Variants in WWOX observed in about 807,000 individuals in gnomAD.
WWOX encodes the protein WW domain-containing oxidoreductase.
Under a neutral mutation model 46.2 loss-of-function variants are expected in WWOX, and 69 were observed. The observed-to-expected ratio is 1.49, with a 90% CI of 1.23 to 1.82. WWOX has a LOEUF of 1.82. Ranked by LOEUF, WWOX falls within the 40% of genes most tolerant of loss-of-function variation. The pLI is 0.00. For missense variants in WWOX, 919 were observed against 542.6 expected, an observed-to-expected ratio of 1.69 and a Z score of -6.89; for synonymous variants, 359 against 202.6, an observed-to-expected ratio of 1.77 and a Z score of -6.56.
intron 8 of WWOX, among the ~76,000 whole-genome samples, chr16:78,579,256 G>A (rs1015642465): frequency 6.6e-6 from 1 of 152,122 alleles, no homozygotes; most frequent in African/African-American, 2.4e-5. Flanking sequence ...TCACAGTTTC[G>A]TCAAGGAGAT....
In WWOX at chr16:78,437,142, C is replaced by T. The variant is rs76145350; in HGVS notation, c.1056+4390C>T. On this transcript the variant is annotated intron_variant, in intron 8 of 8. Coordinates refer to ENST00000566780, the MANE Select transcript of WWOX (RefSeq NM_016373.4). ...GAGCAAGAAATACAACCCAGACTTG[C>T]GCTCGGAAGCCCTGCCTTCATTTCT... Among the ~76,000 whole-genome samples, 4 of 152,118 alleles carry T rather than the reference C, an allele frequency of 2.6e-5. No homozygotes were observed. In the South Asian group the frequency reaches 6.2e-4, roughly 24 times the overall value.
At chr16:78,493,429 C>T (rs946197393) in intron 8 of WWOX, among the ~76,000 whole-genome samples, 3 of 152,210 alleles carry the variant, frequency 2.0e-5, no homozygotes, top group African/African-American at 7.2e-5. Flanking sequence ...ATATCAGTCA[C>T]ATCAAGCTAG....
At chr16:79,156,762 A>G (rs1458098834) in intron 8 of WWOX, among the ~76,000 whole-genome samples, 1 of 150,012 alleles carries the variant, frequency 6.7e-6, no homozygotes, top group Admixed American at 6.6e-5. Context: ...AGAATATCCA[A>G]GGGATGTATG....
intron 5 of WWOX, among the ~76,000 whole-genome samples, chr16:78,326,566 G>GCCCC (rs1388904234): frequency 7.9e-4 from 18 of 22,708 alleles, no homozygotes; most frequent in African/African-American, 2.7e-3. Flanking sequence ...ATTTCTGCCT[G>GCCCC]CCCTCCCCCC....
chr16:78,879,983 A>T (rs2044310447), intron 8 of WWOX, among the ~76,000 whole-genome samples: 2 of 152,202 alleles, frequency 1.3e-5, no homozygotes, highest in Non-Finnish European at 2.9e-5. Context: ...AACATTTTGA[A>T]ATCTGGTGTA....
intron 8 of WWOX, among the ~76,000 whole-genome samples, chr16:78,830,337 G>A (rs938582211): frequency 6.6e-6 from 1 of 151,998 alleles, no homozygotes; most frequent in Non-Finnish European, 1.5e-5. Flanking sequence ...AAACATATAT[G>A]TACATATTAT....
chr16:78,193,499 T>C (rs1316290687), intron 5 of WWOX, among the ~76,000 whole-genome samples: 1 of 19,106 alleles, frequency 5.2e-5, no homozygotes, highest in Non-Finnish European at 1.1e-4. Context: ...TTTTCAGTGA[T>C]CAGTCACCCC....
rs926079492 is a variant in WWOX at position 78,346,756 on chromosome 16, G to C, written c.517-40104G>C. Among the ~76,000 whole-genome samples the C allele has an allele frequency of 2.5e-5, 3 of 120,342 alleles. 1 individual carries two copies. Among genetic ancestry groups the C allele is most frequent in the Non-Finnish European group, 5.9e-5 (3 of 50,430 alleles). 78.9% of individuals were successfully genotyped at this position (120,342 alleles called of 152,430 possible). On this transcript the variant is annotated intron_variant, in intron 5 of 8. Transcript: ENST00000566780. ...GTCTCGCTCTGTTGCCCAGTCTGGAGAGCAGTGGTGTGATCTTGGTTTACT... is the reference window on the plus strand; with the variant it reads ...GTCTCGCTCTGTTGCCCAGTCTGGACAGCAGTGGTGTGATCTTGGTTTACT...
intron 8 of WWOX, among the ~76,000 whole-genome samples, chr16:79,007,418 C>G (rs1168009546): frequency 1.3e-5 from 2 of 152,174 alleles, no homozygotes; most frequent in African/African-American, 2.4e-5. Flanking sequence ...AGAGAAATCA[C>G]TCAGGCTGCC....
chr16:78,762,195 C>G (rs1161810902), intron 8 of WWOX, among the ~76,000 whole-genome samples: 1 of 152,184 alleles, frequency 6.6e-6, no homozygotes, highest in East Asian at 1.9e-4. Context: ...AAATCACAGA[C>G]CCAGGAATTT....
At chr16:78,731,889 C>A (rs1437227383) in intron 8 of WWOX, among the ~76,000 whole-genome samples, 1 of 142,094 alleles carries the variant, frequency 7.0e-6, no homozygotes, top group Non-Finnish European at 1.5e-5. Context: ...GCTTTATAGC[C>A]CAAGCTGGAG....
intron 5 of WWOX, among the ~76,000 whole-genome samples, chr16:78,342,505 C>A (rs903556933): frequency 8.3e-6 from 1 of 119,762 alleles, no homozygotes; most frequent in East Asian, 1.9e-4. Context: ...ATTCCACTGG[C>A]GAGAGTGAGT....
intron 8 of WWOX, chr16:78,981,725 C>CT (rs1567457619): frequency 6.6e-6 from 1 of 152,254 alleles, no homozygotes; most frequent in East Asian, 1.9e-4. Context: ...TTGTGCCCAG[C>CT]TTGGAGCATC....
At chr16:78,414,305 G>C (rs150706053) in intron 6 of WWOX, among the ~76,000 whole-genome samples, 1 of 152,164 alleles carries the variant, frequency 6.6e-6, no homozygotes, top group Non-Finnish European at 1.5e-5. Flanking sequence ...AAGCCTGTTT[G>C]GTGGTCTCTT....
intron 8 of WWOX, among the ~76,000 whole-genome samples, chr16:79,125,702 C>T (rs2049737970): frequency 6.6e-6 from 1 of 152,194 alleles, no homozygotes. Flanking sequence ...ACAATGTTGA[C>T]ATTGTGAATC....
intron 8 of WWOX, among the ~76,000 whole-genome samples, chr16:79,118,901 GTTTA>G (rs2049572163): frequency 6.6e-6 from 1 of 152,174 alleles, no homozygotes; most frequent in African/African-American, 2.4e-5. Flanking sequence ...AAGCATTGCT[GTTTA>G]TTTATCCATT....
intron 8 of WWOX, chr16:78,890,541 A>C (rs79415739): frequency 1.3e-5 from 2 of 152,192 alleles, no homozygotes; most frequent in African/African-American, 4.8e-5. Context: ...TGATGTCTTC[A>C]CTTCCTGCCA....
At chr16:78,632,652 A>G (rs546378693) in intron 8 of WWOX, among the ~76,000 whole-genome samples, 6 of 139,674 alleles carry the variant, frequency 4.3e-5, no homozygotes, top group East Asian at 2.2e-4. Context: ...TCTGCCTCCC[A>G]TATTCAAGGG....
intron 6 of WWOX, among the ~76,000 whole-genome samples, chr16:78,415,382 C>T (rs1057325265): frequency 9.9e-5 from 15 of 152,088 alleles, no homozygotes; most frequent in African/African-American, 3.1e-4. Context: ...GGCTTCTTTA[C>T]TGCAACCTAT....
Sources: allele counts gnomAD v4.1 joint callset (sites outside exome capture counted in the v4.1 genomes callset), GRCh38; gene constraint gnomAD v4.1.1; transcripts MANE v1.5; gene names NCBI Gene and HGNC (gene_info 2026-07-23, HGNC 2026-07-21).